Variants in LRRC37A2 observed in about 807,000 individuals in gnomAD.
The protein encoded by LRRC37A2 is leucine rich repeat containing 37 member A2.
A neutral mutation model predicts 68.8 loss-of-function variants in LRRC37A2; 9 were observed. The ratio of observed to expected loss-of-function variants is 0.13; its 90% confidence interval spans 0.08 to 0.23. The LOEUF (loss-of-function observed/expected upper bound fraction) is 0.23. Ranked by LOEUF, LRRC37A2 falls within the 10% of genes least tolerant of loss-of-function variation. The pLI is 1.00. For synonymous variants in LRRC37A2, 63 were observed against 367.6 expected (o/e 0.17, Z 9.48); for missense variants, 168 against 950.4 (o/e 0.18, Z 10.82).
At chr17:46,911,800 C>T in the LRRC37A2 span, among the ~76,000 whole-genome samples, 1 of 152,194 alleles carries the variant, frequency 6.6e-6, no homozygotes, top group African/African-American at 2.4e-5. Flanking sequence ...AGGAGAATCG[C>T]TTGAACTGGT....
the LRRC37A2 span, among the ~76,000 whole-genome samples, chr17:46,788,016 A>G: frequency 6.6e-6 from 1 of 151,780 alleles, no homozygotes; most frequent in Non-Finnish European, 1.5e-5. Flanking sequence ...ACCTCAGTGC[A>G]GGTGACCAGT....
the LRRC37A2 span, among the ~76,000 whole-genome samples, chr17:47,019,989 T>C: frequency 1.3e-5 from 2 of 149,288 alleles, 1 homozygote; most frequent in African/African-American, 5.0e-5. Flanking sequence ...TCCAGTCTTT[T>C]CCTTTTACTC....
intron 6 of LRRC37A2, among the ~76,000 whole-genome samples, chr17:46,535,003 G>C (rs2054434176): frequency 6.7e-6 from 1 of 150,184 alleles, no homozygotes; most frequent in Admixed American, 6.6e-5. Flanking sequence ...TCACCTCCCA[G>C]ACAGGGTCGC....
the LRRC37A2 span, among the ~76,000 whole-genome samples, chr17:47,015,100 C>T: frequency 2.7e-5 from 4 of 150,940 alleles, no homozygotes; most frequent in South Asian, 2.1e-4. Flanking sequence ...CTCCACCTCC[C>T]GGGTTCAAGT....
rs61094611 is a variant in LRRC37A2, at chr17:46,525,602, TATA to T, written c.2906+1730_2906+1732del. Among the ~76,000 whole-genome samples the T allele has an allele frequency of 3.2e-3, 334 of 103,180 alleles. 6 individuals are homozygous for T. The highest frequency in any genetic ancestry group is 0.011 in the Middle Eastern group (2 of 178). The allele number at this position is 103,180 out of a possible 152,430, so 67.7% of individuals were successfully genotyped here. On this transcript the variant is annotated intron_variant, in intron 6 of 14. Transcript: ENST00000576629. ...ACTCTGTCTCAAATAATAATAATAA[TATA>T]ATAATAATAATCATCATCATCATCA...
chr17:46,966,734 T>C, the LRRC37A2 span: 1 of 471,518 alleles, frequency 2.1e-6, no homozygotes, highest in Middle Eastern at 2.8e-4. Flanking sequence ...ACTTGAGCAA[T>C]TTGTGCCTTG....
At chr17:46,871,937 A>G in the LRRC37A2 span, among the ~76,000 whole-genome samples, 28 of 152,190 alleles carry the variant, frequency 1.8e-4, no homozygotes, top group African/African-American at 6.8e-4. Flanking sequence ...TTATGGAAAC[A>G]TGTTAGATTG....
chr17:46,405,761 C>CAAA, the LRRC37A2 span, among the ~76,000 whole-genome samples: 1 of 72,638 alleles, frequency 1.4e-5, no homozygotes, highest in African/African-American at 5.2e-5. Flanking sequence ...AAAAAAAAAT[C>CAAA]AGCTTTGGCT....
chr17:46,944,150 G>C, the LRRC37A2 span, among the ~76,000 whole-genome samples: 2 of 152,204 alleles, frequency 1.3e-5, no homozygotes, highest in Non-Finnish European at 2.9e-5. Context: ...GTACAAGAGG[G>C]GACATTCATC....
At chr17:47,048,047 C>T in the LRRC37A2 span, among the ~76,000 whole-genome samples, 3 of 136,456 alleles carry the variant, frequency 2.2e-5, no homozygotes, top group East Asian at 2.1e-4. Flanking sequence ...TTTTTCAAAA[C>T]TTTTTTTTTT....
the LRRC37A2 span, among the ~76,000 whole-genome samples, chr17:46,884,417 C>T: frequency 5.3e-5 from 8 of 152,178 alleles, no homozygotes; most frequent in African/African-American, 1.9e-4. Context: ...GATTAAGGGG[C>T]GTGAGGGGGC....
the LRRC37A2 span, chr17:46,768,870 T>C: frequency 1.9e-6 from 3 of 1,571,950 alleles, no homozygotes; most frequent in South Asian, 2.4e-5. This position sits in a 1 kb window ranked among gnomAD's most constrained non-coding sequence, Gnocchi z 5.0. Context: ...CTTCCCTCTC[T>C]GCCACTGCCC....
chr17:46,947,376 C>T, the LRRC37A2 span, among the ~76,000 whole-genome samples: 1 of 152,198 alleles, frequency 6.6e-6, no homozygotes, highest in African/African-American at 2.4e-5. Flanking sequence ...TGCCCCAGAT[C>T]TGGTGAAACC....
chr17:46,915,075 C>A, the LRRC37A2 span, among the ~76,000 whole-genome samples: 2 of 152,212 alleles, frequency 1.3e-5, no homozygotes, highest in Non-Finnish European at 2.9e-5. Context: ...GCTTAAAATT[C>A]ATCCATTTTA....
the LRRC37A2 span, among the ~76,000 whole-genome samples, chr17:46,754,284 A>G: frequency 1.1e-4 from 16 of 151,060 alleles, no homozygotes; most frequent in Admixed American, 2.0e-4. Context: ...TACCTTTGAT[A>G]CATTTGAAAC....
chr17:46,955,630 C>T, the LRRC37A2 span: 1 of 152,214 alleles, frequency 6.6e-6, no homozygotes, highest in Non-Finnish European at 1.5e-5. Context: ...ACCTCTGAAG[C>T]AGTGCATGGC....
the LRRC37A2 span, among the ~76,000 whole-genome samples, chr17:46,780,325 C>A: frequency 9.3e-4 from 142 of 152,326 alleles, no homozygotes; most frequent in African/African-American, 3.4e-3. Context: ...TTAGGGTAGG[C>A]AGTCCTGCAC....
At chr17:46,794,838 C>T in the LRRC37A2 span, among the ~76,000 whole-genome samples, 1 of 151,528 alleles carries the variant, frequency 6.6e-6, no homozygotes, top group Non-Finnish European at 1.5e-5. Context: ...GCAACCTGCA[C>T]CTCCCAGGTT....
chr17:46,713,803 C>G, the LRRC37A2 span: 1 of 1,580,538 alleles, frequency 6.3e-7, no homozygotes, highest in African/African-American at 1.4e-5. Flanking sequence ...TTTTATTTCC[C>G]TTTGCTTAGG....
Sources: gnomAD v4.1 joint callset for allele counts (sites outside exome capture counted in the v4.1 genomes callset) on GRCh38, gnomAD v4.1.1 for gene constraint, Gnocchi (gnomAD v3.1) non-coding constraint, MANE v1.5 for transcripts, NCBI Gene and HGNC (gene_info 2026-07-23, HGNC 2026-07-21) for gene names.